The following IGSF21 variants were observed in gnomAD, a reference collection of about 807,000 sequenced individuals.
The protein encoded by IGSF21 is immunoglobin superfamily member 21, also known as immunoglobulin superfamily member 21.
In IGSF21, 28 loss-of-function variants were observed where a neutral mutation model predicts 46.8. That is an observed-to-expected ratio of 0.60 (90% CI 0.44 to 0.82). The LOEUF (loss-of-function observed/expected upper bound fraction) is 0.82. IGSF21 is among the 40% of genes least tolerant of loss of function. The pLI is 0.00. For missense variants in IGSF21, 624 were observed against 665.5 expected (o/e 0.94, Z 0.69); for synonymous variants, 284 against 273.6 (o/e 1.04, Z -0.38).
Position 18,353,918 on chromosome 1 carries a change from G to T in IGSF21, c.425-8197G>T, listed in dbSNP as rs544029114. 6.6e-5 allele frequency among the ~76,000 whole-genome samples: 10 copies of T among 152,338 alleles called. No individual in the cohort carries two copies. In the South Asian group the frequency reaches 2.1e-3, roughly 32 times the overall value. On this transcript the variant is annotated intron_variant, in intron 4 of 9. Coordinates refer to ENST00000251296, the MANE Select transcript of IGSF21 (RefSeq NM_032880.5). ...ACAGATGGGCTATGTGCTTTCCTGT[G>T]CTGGGAGAAATGAAGGAAACAAACA...
intron 1 of IGSF21, among the ~76,000 whole-genome samples, chr1:18,130,697 C>T (rs2086312191): frequency 6.6e-6 from 1 of 152,226 alleles, no homozygotes; most frequent in Non-Finnish European, 1.5e-5. Context: ...GCTCAGAACT[C>T]TTCATTACAC....
chr1:18,264,283 T>C (rs2084971691), intron 2 of IGSF21, among the ~76,000 whole-genome samples: 1 of 152,228 alleles, frequency 6.6e-6, no homozygotes, highest in South Asian at 2.1e-4. Context: ...TGAACCACTT[T>C]TAGCATGCTT....
intron 3 of IGSF21, among the ~76,000 whole-genome samples, chr1:18,296,593 G>A (rs2085314472): frequency 6.6e-6 from 1 of 152,174 alleles, no homozygotes; most frequent in East Asian, 1.9e-4. Context: ...CTTGTGACCT[G>A]CTTCAGGGAA....
intron 1 of IGSF21, among the ~76,000 whole-genome samples, chr1:18,129,781 A>G (rs2086301931): frequency 6.6e-6 from 1 of 152,220 alleles, no homozygotes; most frequent in Non-Finnish European, 1.5e-5. Context: ...TTGTAGCAGT[A>G]TTAAAAGGTG....
intron 2 of IGSF21, among the ~76,000 whole-genome samples, chr1:18,245,706 T>A (rs2084777312): frequency 1.3e-5 from 2 of 152,236 alleles, no homozygotes; most frequent in South Asian, 4.1e-4. Flanking sequence ...GCCTACTATG[T>A]GCCAGGCACT....
At chr1:18,149,894 G>T (rs751951740) in intron 1 of IGSF21, among the ~76,000 whole-genome samples, 1 of 152,112 alleles carries the variant, frequency 6.6e-6, no homozygotes, top group Non-Finnish European at 1.5e-5. Context: ...AATGCCAAGC[G>T]CAAGTTTCAC....
At chr1:18,260,753 C>T (rs1306747354) in intron 2 of IGSF21, among the ~76,000 whole-genome samples, 1 of 152,208 alleles carries the variant, frequency 6.6e-6, no homozygotes, top group African/African-American at 2.4e-5. Context: ...TGGAAAGTTC[C>T]TTCCATCCAG....
At chr1:18,225,623 C>T (rs1045444787) in intron 1 of IGSF21, among the ~76,000 whole-genome samples, 3 of 152,020 alleles carry the variant, frequency 2.0e-5, no homozygotes, top group African/African-American at 4.8e-5. Context: ...TGATGAGGCT[C>T]AACTCATAAC....
At chr1:18,321,459 A>G (rs2085600366) in intron 3 of IGSF21, among the ~76,000 whole-genome samples, 1 of 152,220 alleles carries the variant, frequency 6.6e-6, no homozygotes, top group Non-Finnish European at 1.5e-5. Context: ...CACTGTCTTC[A>G]TCCATTTGGA....
chr1:18,108,243 C>A, intron 1 of IGSF21, 45 bp downstream of exon 1: 11 of 1,316,186 alleles, frequency 8.4e-6, no homozygotes, highest in Non-Finnish European at 1.1e-5. Flanking sequence ...TGAACGTGCG[C>A]GGGGACGGGG....
At position 18,334,981 on chromosome 1, in the gene IGSF21, C is replaced by CATCAGG; in HGVS notation, c.396_401dup (p.Ser133_Gly134dup). ...GCCACCAGGGAGAAGGTGGTCCTGG[C>CATCAGG]ATCAGGCAACATCTTCCTCAACGTC... On this transcript the variant is annotated inframe_insertion, in exon 4 of 10. Transcript: ENST00000251296. The surrounding 1 kb of genome is among the most constrained non-coding windows in gnomAD (Gnocchi z 4.3). 6.2e-7 allele frequency: 1 copy of CATCAGG among 1,614,052 alleles called. No individual in the cohort carries two copies. Among genetic ancestry groups the CATCAGG allele is most frequent in the Non-Finnish European group, 8.5e-7 (1 of 1,179,872 alleles).
intron 1 of IGSF21, among the ~76,000 whole-genome samples, chr1:18,196,652 A>C (rs1390094464): frequency 6.6e-6 from 1 of 152,196 alleles, no homozygotes; most frequent in African/African-American, 2.4e-5. Context: ...CATCAGAGCC[A>C]CATAATGGCC....
intron 2 of IGSF21, among the ~76,000 whole-genome samples, chr1:18,285,876 G>A (rs984505367): frequency 3.9e-5 from 6 of 152,198 alleles, no homozygotes; most frequent in Non-Finnish European, 7.3e-5. Flanking sequence ...AGGCGCCAAT[G>A]TATGCCAGCT....
rs1337577276 is a variant in IGSF21, at chr1:18,365,659, C to T, written c.977C>T (p.Pro326Leu). 6.2e-7 allele frequency: 1 copy of T among 1,614,088 alleles called. No individual in the cohort carries two copies. The highest frequency in any genetic ancestry group is 8.5e-7 in the Non-Finnish European group (1 of 1,179,962). Reference sequence around the variant, plus strand: ...CTCTTCAGCTGCGAGGTCAAGCACCCAGCTCTGTCGATGCCCATGCAGGCA... The same window carrying T: ...CTCTTCAGCTGCGAGGTCAAGCACCTAGCTCTGTCGATGCCCATGCAGGCA... ...EALFSCEVKHPALSMPMQAEV... is the reference protein window; with the variant it reads ...EALFSCEVKHLALSMPMQAEV... The change falls in exon 6 of 10, where the codon CCA (proline) becomes CTA (leucine). Residue 326 changes from proline to leucine, a missense_variant. By Grantham distance (98) the Pro-to-Leu change is moderately conservative. Coordinates refer to ENST00000251296, the MANE Select transcript of IGSF21 (RefSeq NM_032880.5). This position sits in a 1 kb window ranked among gnomAD's most constrained non-coding sequence, Gnocchi z 4.8.
At chr1:18,341,612 T>G (rs1416426109) in intron 4 of IGSF21, among the ~76,000 whole-genome samples, 1 of 152,120 alleles carries the variant, frequency 6.6e-6, no homozygotes, top group Non-Finnish European at 1.5e-5. Flanking sequence ...CTCTGCAAGG[T>G]GAGTACTATC....
chr1:18,233,918 C>T (rs536030046), intron 2 of IGSF21, among the ~76,000 whole-genome samples: 1 of 152,314 alleles, frequency 6.6e-6, no homozygotes, highest in East Asian at 1.9e-4. Flanking sequence ...ATCATTGGCT[C>T]TCTCTCAGTC....
intron 1 of IGSF21, among the ~76,000 whole-genome samples, chr1:18,143,426 C>A (rs1431014470): frequency 6.6e-6 from 1 of 152,186 alleles, no homozygotes; most frequent in Non-Finnish European, 1.5e-5. Context: ...TGAGCACTCT[C>A]CCTCCTGCTT....
chr1:18,376,864 G>C lies in IGSF21; in HGVS notation c.1166G>C (p.Ser389Thr). The C allele has an allele frequency of 6.2e-7, 1 of 1,612,640 alleles. No homozygotes were observed. Among genetic ancestry groups the C allele is most frequent in the Non-Finnish European group, 8.5e-7 (1 of 1,178,792 alleles). The change falls in exon 8 of 10, where the codon AGC (serine) becomes ACC (threonine). Residue 389 changes from serine (S) to threonine (T), a missense_variant. Physicochemically the swap from Ser to Thr is moderately conservative, Grantham distance 58. Coordinates refer to ENST00000251296, the MANE Select transcript of IGSF21 (RefSeq NM_032880.5). Reference protein sequence around the residue: ...TRVGSRLLDGSAEFDGKELVL... With the variant: ...TRVGSRLLDGTAEFDGKELVL... ...GTTGGGAGCCGCCTCCTGGACGGCAGCGCTGAGTTCGACGGGAAGGAGCTG... is the reference window on the plus strand; with the variant it reads ...GTTGGGAGCCGCCTCCTGGACGGCACCGCTGAGTTCGACGGGAAGGAGCTG...
At position 18,250,109 on chromosome 1, in the gene IGSF21, C is replaced by CCCTT. The variant is rs2084825470; in HGVS notation, c.183+22102_183+22103insTCCT. Among the ~76,000 whole-genome samples, 4 of 84,236 alleles carry CCCTT rather than the reference C, an allele frequency of 4.7e-5. No homozygotes were observed. The South Asian group carries it at 1.6e-3, about 33-fold the overall frequency. The allele number at this position is 84,236 out of a possible 152,430, so 55.3% of individuals were successfully genotyped here. ...CCACTCCCTCCCTCGCTCCCTCCCT[C>CCCTT]CCTCCCTCCCTCCCTCCCTCCCTCT... On this transcript the variant is annotated intron_variant, in intron 2 of 9. Coordinates refer to ENST00000251296, the MANE Select transcript of IGSF21 (RefSeq NM_032880.5).
Sources: allele counts gnomAD v4.1 joint callset (sites outside exome capture counted in the v4.1 genomes callset), GRCh38; gene constraint gnomAD v4.1.1; non-coding constraint Gnocchi (gnomAD v3.1); transcripts MANE v1.5; gene names NCBI Gene and HGNC (gene_info 2026-07-23, HGNC 2026-07-21).